The following SLC22A16 variants were observed in gnomAD, a reference collection of about 807,000 sequenced individuals.
The protein encoded by SLC22A16 is WUGSC:RG331P03.1.
A neutral mutation model predicts 52.9 loss-of-function variants in SLC22A16; 53 were observed. The observed-to-expected ratio is 1.00, with a 90% CI of 0.80 to 1.26. The LOEUF is 1.26. Ranked by LOEUF, SLC22A16 falls within the 50% of genes most tolerant of loss-of-function variation. The pLI, the probability that SLC22A16 is intolerant of heterozygous loss-of-function variation, is 0.00. For synonymous variants in SLC22A16, 291 were observed against 268.8 expected (o/e 1.08, Z -0.81); for missense variants, 726 against 704.0 (o/e 1.03, Z -0.35).
At chr6:110,443,985 T>G (rs1775074214) in intron 3 of SLC22A16, among the ~76,000 whole-genome samples, 1 of 152,170 alleles carries the variant, frequency 6.6e-6, no homozygotes. Context: ...AGAGTTATTA[T>G]TCAATGGACA....
At chr6:110,429,683 C>T (rs1224996040) in intron 7 of SLC22A16, among the ~76,000 whole-genome samples, 2 of 152,052 alleles carry the variant, frequency 1.3e-5, no homozygotes, top group East Asian at 1.9e-4. Flanking sequence ...CTGACTGGGG[C>T]GATGAAGACA....
chr6:110,447,251 C>G (rs755818174), intron 2 of SLC22A16, among the ~76,000 whole-genome samples: 10 of 152,052 alleles, frequency 6.6e-5, no homozygotes, highest in Non-Finnish European at 1.2e-4. Flanking sequence ...ACCCTTTAAC[C>G]TGGGATTGGG....
At position 110,456,630 on chromosome 6, in the gene SLC22A16, G is replaced by C. The variant is rs1431515126; in HGVS notation, c.441C>G (p.Val147=). 6.2e-6 allele frequency: 10 copies of C among 1,614,168 alleles called. No individual in the cohort carries two copies. Among genetic ancestry groups the C allele is most frequent in the Non-Finnish European group, 7.6e-6 (9 of 1,180,038 alleles). Residue 147 remains valine (V), a synonymous_variant, in exon 2 of 8, where the codon GTC becomes GTG. Coordinates refer to ENST00000368919, the MANE Select transcript of SLC22A16 (RefSeq NM_033125.4). The stretch of plus-strand genomic sequence containing the variant: ...GCATTGCAAGCCATTTTCGGTCACA[G>C]ACCAGGTTCCACTGGGTCACCGCAG... ...KSTAVTQWNL[V]CDRKWLAMLI...
intron 3 of SLC22A16, 47 bp downstream of exon 3, chr6:110,446,826 C>A (rs1775191319): frequency 6.6e-7 from 1 of 1,521,248 alleles, no homozygotes; most frequent in Admixed American, 1.9e-5. Context: ...TTAAGGTTTC[C>A]TATGAAAAAC....
At chr6:110,464,602 G>C (rs185887648) in intron 1 of SLC22A16, among the ~76,000 whole-genome samples, 1 of 151,820 alleles carries the variant, frequency 6.6e-6, no homozygotes, top group African/African-American at 2.4e-5. Flanking sequence ...TAGAAATTCT[G>C]AACAGACCAA....
intron 2 of SLC22A16, among the ~76,000 whole-genome samples, chr6:110,450,024 A>G (rs1002426747): frequency 3.9e-5 from 6 of 152,182 alleles, no homozygotes; most frequent in African/African-American, 1.4e-4. Flanking sequence ...GGCCTTCTCC[A>G]TCTGACAACT....
Position 110,475,050 on chromosome 6 carries a change from G to T in SLC22A16, c.53+1472C>A, listed in dbSNP as rs1776412051. 7 of 507,712 alleles carry T rather than the reference G, an allele frequency of 1.4e-5. No individual in the cohort carries two copies. In the Admixed American group the frequency reaches 1.4e-4, roughly 10 times the overall value. 31.5% of individuals were successfully genotyped at this position (507,712 alleles called of 1,614,324 possible). A position where few individuals can be genotyped will look rare whatever the true frequency, so the allele number is the denominator to read the frequency against. ...AGCCCCATTTTACAGATAAGAAAGTGGTAAATAAAATGCTCAAGACCGTAT... is the reference window on the plus strand; with the variant it reads ...AGCCCCATTTTACAGATAAGAAAGTTGTAAATAAAATGCTCAAGACCGTAT... On this transcript the variant is annotated intron_variant, in intron 1 of 7. Coordinates refer to ENST00000368919, the MANE Select transcript of SLC22A16 (RefSeq NM_033125.4).
intron 1 of SLC22A16, among the ~76,000 whole-genome samples, chr6:110,461,904 T>G (rs761392106): frequency 6.6e-6 from 1 of 152,238 alleles, no homozygotes; most frequent in Non-Finnish European, 1.5e-5. Flanking sequence ...AATTTCATGC[T>G]GCTGATAAAG....
chr6:110,476,210 ATCTCCAGCCAGATG>A (rs1426852479), intron 1 of SLC22A16: 7 of 23,512 alleles, frequency 3.0e-4, no homozygotes, highest in Admixed American at 1.2e-3. Flanking sequence ...CTCGAGCCAG[ATCTCCAGCCAGATG>A]CCTCCAGCAT....
At chr6:110,459,521 TAAAG>T (rs1775790252) in intron 1 of SLC22A16, among the ~76,000 whole-genome samples, 2 of 152,092 alleles carry the variant, frequency 1.3e-5, no homozygotes, top group Non-Finnish European at 1.5e-5. Context: ...TCACAAAAAA[TAAAG>T]AAAGACTGAG....
Position 110,431,227 on chromosome 6 carries a change from T to C in SLC22A16, c.1465A>G (p.Ser489Gly). 1.9e-6 allele frequency: 3 copies of C among 1,613,538 alleles called. No individual in the cohort carries two copies. Among genetic ancestry groups the C allele is most frequent in the South Asian group, 1.1e-5 (1 of 91,060 alleles). The part of the protein sequence containing the change: ...GSGSMVCRLA[S>G]ILAPFSVDLS... ...TCCACAGAGAACGGCGCCAGGATGC[T>C]GGCCAGGCGACACACCATGCTGCCG... Residue 489 changes from serine to glycine, a missense_variant, in exon 7 of 8, where the codon AGC (serine) becomes GGC (glycine). Ser to Gly is a moderately conservative substitution (Grantham distance 56). Coordinates refer to ENST00000368919, the MANE Select transcript of SLC22A16 (RefSeq NM_033125.4).
chr6:110,431,562 G>A (rs1488250503), intron 6 of SLC22A16, among the ~76,000 whole-genome samples: 1 of 152,202 alleles, frequency 6.6e-6, no homozygotes, highest in African/African-American at 2.4e-5. Flanking sequence ...AGCCGAGGAG[G>A]AATAAGCTGT....
At chr6:110,434,851 A>G (rs1414049679) in intron 6 of SLC22A16, among the ~76,000 whole-genome samples, 18 of 152,080 alleles carry the variant, frequency 1.2e-4, no homozygotes, top group Non-Finnish European at 2.5e-4. Flanking sequence ...AGTGGCATGC[A>G]CGTGTAATCC....
In SLC22A16 at chr6:110,438,996, G is replaced by A. The variant is rs149328136; in HGVS notation, c.1184-149C>T. On this transcript the variant is annotated intron_variant, in intron 4 of 7. Coordinates refer to ENST00000368919, the MANE Select transcript of SLC22A16 (RefSeq NM_033125.4). Reference sequence around the variant, plus strand: ...ACTCTCTAAGAATTGCTGCGAGGCAGCCAGCCCCGCCACTTTTAAACTCAC... The same window carrying A: ...ACTCTCTAAGAATTGCTGCGAGGCAACCAGCCCCGCCACTTTTAAACTCAC... 1.5e-3 allele frequency: 1,379 copies of A among 903,264 alleles called. 9 individuals carry two copies. The African/African-American group carries it at 0.017, about 11-fold the overall frequency. 56.0% of individuals were successfully genotyped at this position (903,264 alleles called of 1,614,324 possible).
chr6:110,442,382 G>C lies in SLC22A16; in HGVS notation c.1045C>G (p.Leu349Val), dbSNP rs368178104. ...TTCGTAATGCTCCAGTTATAAAACAGATATGATAGGTTGTGCTTCTGAACT... is the reference window on the plus strand; with the variant it reads ...TTCGTAATGCTCCAGTTATAAAACACATATGATAGGTTGTGCTTCTGAACT... ...TEVQKHNLSY[L>V]FYNWSITKRT... is the part of the protein sequence containing the mutation. Residue 349 changes from leucine (L) to valine (V), a missense_variant, in exon 4 of 8, where the codon CTG (leucine) becomes GTG (valine). Leu to Val is a conservative substitution (Grantham distance 32). Transcript: ENST00000368919. The C allele has an allele frequency of 2.5e-6, 4 of 1,614,234 alleles. No homozygotes were observed. Among genetic ancestry groups the C allele is most frequent in the Non-Finnish European group, 3.4e-6 (4 of 1,180,042 alleles).
intron 2 of SLC22A16, among the ~76,000 whole-genome samples, chr6:110,451,239 G>T (rs1019809659): frequency 1.3e-5 from 2 of 152,336 alleles, no homozygotes; most frequent in African/African-American, 2.4e-5. Flanking sequence ...TGTTTAGAGT[G>T]CAGGGCTGTT....
intron 5 of SLC22A16, 51 bp downstream of exon 5, chr6:110,438,669 C>A: frequency 6.4e-7 from 1 of 1,569,274 alleles, no homozygotes; most frequent in Non-Finnish European, 8.6e-7. Flanking sequence ...AAATTCTTCC[C>A]ATCAAACTGT....
chr6:110,450,369 T>C (rs1582556993), intron 2 of SLC22A16, among the ~76,000 whole-genome samples: 1 of 152,168 alleles, frequency 6.6e-6, no homozygotes, highest in East Asian at 1.9e-4. Context: ...CCCAGCACTT[T>C]GGGAGGCCAA....
intron 7 of SLC22A16, among the ~76,000 whole-genome samples, chr6:110,429,791 T>C (rs1382426004): frequency 1.3e-5 from 2 of 151,984 alleles, no homozygotes; most frequent in Non-Finnish European, 2.9e-5. Context: ...GCGGGGTCAC[T>C]AGATCTGGCT....
Sources: allele counts gnomAD v4.1 joint callset (sites outside exome capture counted in the v4.1 genomes callset), GRCh38; gene constraint gnomAD v4.1.1; transcripts MANE v1.5; gene names NCBI Gene and HGNC (gene_info 2026-07-23, HGNC 2026-07-21).